The following PRPF40B variants were observed in gnomAD, a reference collection of about 807,000 sequenced individuals.
The protein encoded by PRPF40B is pre-mRNA-processing factor 40 homolog B.
Under a neutral mutation model 124.5 loss-of-function variants are expected in PRPF40B, and 56 were observed. The ratio of observed to expected loss-of-function variants is 0.45; its 90% CI spans 0.36 to 0.56. PRPF40B has a LOEUF of 0.56. Among genes scored for constraint, PRPF40B ranks in the 20% least tolerant of loss-of-function variants. The pLI is 0.00. For synonymous variants in PRPF40B, 443 were observed against 426.4 expected (o/e 1.04, Z -0.48); for missense variants, 1,053 against 1,169.5 (o/e 0.90, Z 1.45).
In PRPF40B at chr12:49,644,288, T is replaced by C; in HGVS notation, c.*96T>C. On this transcript the variant is annotated 3_prime_UTR_variant, in exon 26 of 26. Transcript: ENST00000548825. ...CAGACTTCTTCCTTAGTCTGGTCTG[T>C]GTCCACTTTTTCTAAAGTAACCCCA... The C allele has an allele frequency of 7.1e-7, 1 of 1,402,980 alleles. No homozygotes were observed. Among genetic ancestry groups the C allele is most frequent in the Non-Finnish European group, 9.9e-7 (1 of 1,005,748 alleles). 86.9% of individuals were successfully genotyped at this position (1,402,980 alleles called of 1,614,324 possible). A position where few individuals can be genotyped will look rare whatever the true frequency, so the allele number is the denominator to read the frequency against.
Position 49,634,555 on chromosome 12 carries a change from C to G in PRPF40B, c.954C>G (p.Ala318=). ...CATTCCAGGCTGTCCCCTCCAATGC[C>G]TCATGGGAACAGGCCATGAAGATGG... The part of the protein sequence containing the change: ...LLRDKAVPSN[A]SWEQAMKMVV... Residue 318 remains alanine (A), a synonymous_variant, in exon 12 of 26, where the codon GCC becomes GCG. Transcript: ENST00000548825. 2 of 1,614,242 alleles carry G rather than the reference C, an allele frequency of 1.2e-6. No individual in the cohort carries two copies. Among genetic ancestry groups the G allele is most frequent in the Non-Finnish European group, 1.7e-6 (2 of 1,180,036 alleles).
chr12:49,632,452 TG>T (rs762730817), intron 4 of PRPF40B, 143 bp from the exon 5 acceptor site: 16 of 835,004 alleles, frequency 1.9e-5, no homozygotes, highest in Non-Finnish European at 2.5e-5. Flanking sequence ...CCCTGAAGGG[TG>T]GGGGAAGCCT....
At chr12:49,636,594 C>T in intron 15 of PRPF40B, 122 bp from the exon 16 acceptor site, 2 of 1,386,972 alleles carry the variant, frequency 1.4e-6, no homozygotes, top group South Asian at 1.3e-5. Flanking sequence ...CCAGGCCCTT[C>T]CCCCACCACC....
rs901892174 is a variant in PRPF40B at position 49,635,309 on chromosome 12, A to C, written c.1166+46A>C. The C allele has an allele frequency of 6.2e-7, 1 of 1,609,032 alleles. No individual in the cohort carries two copies. Among genetic ancestry groups the C allele is most frequent in the South Asian group, 1.1e-5 (1 of 90,440 alleles). On this transcript the variant is annotated intron_variant, in intron 13 of 25. Coordinates refer to ENST00000548825, the MANE Select transcript of PRPF40B (RefSeq NM_001031698.3). This position sits in a 1 kb window ranked among gnomAD's most constrained non-coding sequence, Gnocchi z 4.1. ...TGGGACTTGGGAACCCTGAGAACAC[A>C]AAGGTCCAGGGTCTCTGTTCTCTGT...
intron 16 of PRPF40B, 49 bp from the exon 17 acceptor site, chr12:49,637,421 C>T: frequency 1.5e-6 from 2 of 1,332,434 alleles, no homozygotes; most frequent in Non-Finnish European, 2.1e-6. Flanking sequence ...CAGTCTGTGG[C>T]TCTGCCTCCC....
chr12:49,635,913 T>A lies in PRPF40B; in HGVS notation c.1346T>A (p.Val449Asp). 6.2e-7 allele frequency: 1 copy of A among 1,614,058 alleles called. No homozygotes were observed. Among genetic ancestry groups the A allele is most frequent in the Non-Finnish European group, 8.5e-7 (1 of 1,179,980 alleles). ...LKSILDGMSS[V>D]NFQTTWSQAQ... is the part of the protein sequence containing the mutation. ...AGCATCCTGGATGGGATGAGTAGTG[T>A]CAACTTCCAAACCACGTGGTCCCAG... The change falls in exon 15 of 26, where the codon GTC becomes GAC. Residue 449 changes from valine to aspartate, a missense_variant. Around this residue, in one of 2 missense-constraint regions of PRPF40B, gnomAD observed 895 missense variants for 1,052.2 expected, o/e 0.85. Coordinates refer to ENST00000548825, the MANE Select transcript of PRPF40B (RefSeq NM_001031698.3). This position sits in a 1 kb window ranked among gnomAD's most constrained non-coding sequence, Gnocchi z 4.1.
At chr12:49,622,818 C>CCCA (rs1940327793), upstream of PRPF40B, 1 of 152,310 alleles carries the variant, frequency 6.6e-6, no homozygotes, top group Admixed American at 6.5e-5. Context: ...ACCCGTGTGC[C>CCCA]TGGGGCCTGT....
Position 49,635,150 on chromosome 12 carries a change from G to A in PRPF40B, c.1053G>A (p.Ala351=), listed in dbSNP as rs1029544633. The change falls in exon 13 of 26, where the codon GCG becomes GCA. Residue 351 remains alanine (A), a synonymous_variant. Transcript: ENST00000548825. This position sits in a 1 kb window ranked among gnomAD's most constrained non-coding sequence, Gnocchi z 4.1. ...AGCAGGCATTCAATGCCTACAAGGC[G>A]CAGCGGGAGAAGGAGGAGAAGGAGG... ...EKKQAFNAYK[A]QREKEEKEEA... 21 of 1,613,944 alleles carry A rather than the reference G, an allele frequency of 1.3e-5. No individual in the cohort carries two copies. The highest frequency in any genetic ancestry group is 2.7e-5 in the African/African-American group (2 of 74,924).
chr12:49,632,312 T>C, intron 4 of PRPF40B: 1 of 566,218 alleles, frequency 1.8e-6, no homozygotes, highest in Non-Finnish European at 3.1e-6. Flanking sequence ...AGAGTCTGGG[T>C]AGGATATAGA....
Position 49,632,900 on chromosome 12 carries a change from G to C in PRPF40B, c.348+20G>C, listed in dbSNP as rs1183014955. The C allele has an allele frequency of 6.2e-6, 10 of 1,613,590 alleles. No homozygotes were observed. The highest frequency in any genetic ancestry group is 1.3e-5 in the African/African-American group (1 of 74,884). ...CCTCCGGTGAGTTCTTCCAGCTCAG[G>C]GGTCTCTGGGTAGAAAGCCTGAGAG... On this transcript the variant is annotated intron_variant, in intron 6 of 25. Coordinates refer to ENST00000548825, the MANE Select transcript of PRPF40B (RefSeq NM_001031698.3).
chr12:49,641,277 T>C (rs1942610215), intron 18 of PRPF40B: 1 of 152,314 alleles, frequency 6.6e-6, no homozygotes, highest in Admixed American at 6.5e-5. Flanking sequence ...CTAAGTCATC[T>C]GGGTGGGTGT....
intron 1 of PRPF40B, among the ~76,000 whole-genome samples, chr12:49,628,535 G>A (rs1045687384): frequency 2.0e-5 from 3 of 150,902 alleles, no homozygotes; most frequent in Non-Finnish European, 2.9e-5. Flanking sequence ...GATTACAGGC[G>A]TGAACCACCG....
chr12:49,632,439 T>C (rs2138456137), intron 4 of PRPF40B, 157 bp from the exon 5 acceptor site: 1 of 746,272 alleles, frequency 1.3e-6, no homozygotes, highest in Non-Finnish European at 2.2e-6. Flanking sequence ...CCCAGAGCTA[T>C]GGCCCTGAAG....
At chr12:49,630,724 A>G in intron 2 of PRPF40B, 99 bp downstream of exon 2, 3 of 641,168 alleles carry the variant, frequency 4.7e-6, no homozygotes, top group Non-Finnish European at 8.6e-6. Flanking sequence ...GTTTTCCTGT[A>G]ATGCCCCTTT....
At chr12:49,643,817 G>C in intron 24 of PRPF40B, 44 bp from the exon 25 acceptor site, 1 of 1,613,916 alleles carries the variant, frequency 6.2e-7, no homozygotes, top group Non-Finnish European at 8.5e-7. Flanking sequence ...CTGCCTCCCA[G>C]GCTATCCACA....
chr12:49,627,959 T>G (rs1052681074), intron 1 of PRPF40B, among the ~76,000 whole-genome samples: 1 of 152,116 alleles, frequency 6.6e-6, no homozygotes, highest in Non-Finnish European at 1.5e-5. Context: ...ATTTGGACAA[T>G]TGAATGGTGT....
chr12:49,633,641 A>T lies in PRPF40B; in HGVS notation c.585A>T (p.Leu195=), dbSNP rs1347310972. The change falls in exon 9 of 26, where the codon CTA becomes CTT. Residue 195 remains leucine (L), a synonymous_variant. Coordinates refer to ENST00000548825, the MANE Select transcript of PRPF40B (RefSeq NM_001031698.3). Reference sequence around the variant, plus strand: ...TGTTATCTTTTCCCATCACAGTTCTAGTCAAACAAGAGGCTGCAGGGTGAG... The same window carrying T: ...TGTTATCTTTTCCCATCACAGTTCTTGTCAAACAAGAGGCTGCAGGGTGAG... ...RPKDLDDLEV[L]VKQEAAGKQQ... 6.2e-7 allele frequency: 1 copy of T among 1,614,172 alleles called. No individual in the cohort carries two copies. Among genetic ancestry groups the T allele is most frequent in the South Asian group, 1.1e-5 (1 of 91,086 alleles).
intron 1 of PRPF40B, among the ~76,000 whole-genome samples, chr12:49,628,335 A>C (rs2138408237): frequency 6.6e-6 from 1 of 151,658 alleles, no homozygotes; most frequent in Non-Finnish European, 1.5e-5. Flanking sequence ...GTCTCAGCTC[A>C]ATGCAACCTC....
In PRPF40B at chr12:49,642,846, G is replaced by T; in HGVS notation, c.2119-84G>T. ...AGAAGGCTCTAGTCTGAGAAAGGGA[G>T]GCAAAGCCAGATTTTAGGAAGTAGG... On this transcript the variant is annotated intron_variant, in intron 21 of 25. Coordinates refer to ENST00000548825, the MANE Select transcript of PRPF40B (RefSeq NM_001031698.3). This position sits in a 1 kb window ranked among gnomAD's most constrained non-coding sequence, Gnocchi z 5.8. 1 of 1,497,960 alleles carries T rather than the reference G, an allele frequency of 6.7e-7. No individual in the cohort carries two copies. The highest frequency in any genetic ancestry group is 1.2e-5 in the South Asian group (1 of 82,602). 92.8% of individuals were successfully genotyped at this position (1,497,960 alleles called of 1,614,324 possible). A position where few individuals can be genotyped will look rare whatever the true frequency, so the allele number is the denominator to read the frequency against.
Sources: gnomAD v4.1 joint callset for allele counts (sites outside exome capture counted in the v4.1 genomes callset) on GRCh38, gnomAD v4.1.1 for gene constraint, gnomAD v4.1.1 regional missense constraint, Gnocchi (gnomAD v3.1) non-coding constraint, MANE v1.5 for transcripts, NCBI Gene and HGNC (gene_info 2026-07-23, HGNC 2026-07-21) for gene names.